CDK14: variants seen among roughly 807,000 people sequenced by gnomAD.
The protein encoded by CDK14 is cyclin-dependent kinase 14.
CDK14 carries 34 observed loss-of-function variants against 60.7 expected under a neutral mutation model. That is an observed-to-expected ratio of 0.56 (90% CI 0.43 to 0.75). CDK14 has a LOEUF of 0.75. Among genes scored for constraint, CDK14 ranks in the 30% least tolerant of loss-of-function variants. CDK14 has a pLI of 0.00. For missense variants in CDK14, 482 were observed against 564.1 expected (o/e 0.85, Z 1.47); for synonymous variants, 197 against 203.7 (o/e 0.97, Z 0.28).
At chr7:90,939,237 T>C (rs1179363599) in intron 8 of CDK14, among the ~76,000 whole-genome samples, 3 of 152,238 alleles carry the variant, frequency 2.0e-5, no homozygotes, top group Non-Finnish European at 4.4e-5. Context: ...ACAAGTTATT[T>C]GGACTGACAA....
intron 4 of CDK14, among the ~76,000 whole-genome samples, chr7:90,766,859 C>G (rs1180046615): frequency 6.6e-6 from 1 of 152,164 alleles, no homozygotes; most frequent in East Asian, 1.9e-4. Flanking sequence ...TGCTCCGGCT[C>G]CACAGCTCCT....
chr7:90,826,905 A>C (rs2117095782), intron 5 of CDK14, among the ~76,000 whole-genome samples: 1 of 152,252 alleles, frequency 6.6e-6, no homozygotes, highest in South Asian at 2.1e-4. Context: ...TAAAGTGCAG[A>C]GCTTACATCA....
chr7:90,662,966 T>C (rs962563564), intron 2 of CDK14, among the ~76,000 whole-genome samples: 16 of 152,292 alleles, frequency 1.1e-4, no homozygotes, highest in African/African-American at 3.8e-4. Flanking sequence ...GCATGTACTT[T>C]ACTGTGAAGG....
In CDK14 at chr7:91,106,254, GA is replaced by G. The variant is rs558223632; in HGVS notation, c.1155-6285del. Among the ~76,000 whole-genome samples the G allele has an allele frequency of 1.8e-3, 273 of 152,264 alleles. 1 individual carries two copies. Among genetic ancestry groups the G allele is most frequent in the South Asian group, 3.9e-3 (19 of 4,826 alleles). On this transcript the variant is annotated intron_variant, in intron 12 of 14. Transcript: ENST00000380050. ...AGGAAGAGAAGAGCACAAAGAGGCA[GA>G]AACAACAGAAGCCTATGGAATAATG...
At chr7:90,737,955 T>G (rs1266151058) in intron 3 of CDK14, among the ~76,000 whole-genome samples, 1 of 152,228 alleles carries the variant, frequency 6.6e-6, no homozygotes, top group African/African-American at 2.4e-5. Context: ...ACATTCTTAC[T>G]GGATATCAGG....
intron 11 of CDK14, among the ~76,000 whole-genome samples, chr7:91,076,525 A>G (rs1302179183): frequency 6.6e-6 from 1 of 152,112 alleles, no homozygotes; most frequent in Non-Finnish European, 1.5e-5. Context: ...ACCTAAATAT[A>G]AAGCCCCAAA....
At chr7:91,200,028 C>CCAGG (rs1802668424) in intron 14 of CDK14, among the ~76,000 whole-genome samples, 1 of 152,162 alleles carries the variant, frequency 6.6e-6, no homozygotes, top group Non-Finnish European at 1.5e-5. Context: ...TCCTCCAACT[C>CCAGG]CTACCCCCTT....
intron 14 of CDK14, among the ~76,000 whole-genome samples, chr7:91,175,947 C>T (rs1459874265): frequency 1.3e-5 from 2 of 151,664 alleles, no homozygotes; most frequent in Admixed American, 1.3e-4. Context: ...CTCAGCTCTG[C>T]ACCAAGCGGA....
At chr7:90,653,465 C>T (rs1326722689) in intron 2 of CDK14, among the ~76,000 whole-genome samples, 7 of 151,632 alleles carry the variant, frequency 4.6e-5, no homozygotes, top group African/African-American at 1.7e-4. Flanking sequence ...TCCCATTTTT[C>T]CTCCTTTCTC....
intron 5 of CDK14, among the ~76,000 whole-genome samples, chr7:90,818,122 C>G (rs184752000): frequency 6.6e-6 from 1 of 152,294 alleles, no homozygotes; most frequent in East Asian, 1.9e-4. Context: ...ACTGTTACCC[C>G]AACTCCTGCT....
intron 6 of CDK14, among the ~76,000 whole-genome samples, chr7:90,877,421 GAGAAACTA>G (rs1212431494): frequency 6.6e-6 from 1 of 152,150 alleles, no homozygotes; most frequent in Non-Finnish European, 1.5e-5. Flanking sequence ...ATTGGGAACT[GAGAAACTA>G]ACTTGTGGTG....
intron 9 of CDK14, chr7:90,979,801 T>G (rs1451228484): frequency 6.6e-6 from 1 of 152,172 alleles, no homozygotes; most frequent in Non-Finnish European, 1.5e-5. Flanking sequence ...ATTATAGAAA[T>G]AAATGTATTA....
chr7:91,147,156 TCTCTCTCACACACACACACACACACA>T (rs1562924489), intron 14 of CDK14, among the ~76,000 whole-genome samples: 1 of 106,152 alleles, frequency 9.4e-6, no homozygotes. Context: ...TCTCTCTCTC[TCTCTCTCACACACACACACACACACA>T]CACACACACA....
chr7:90,792,963 T>C (rs1373292690), intron 5 of CDK14, among the ~76,000 whole-genome samples: 1 of 152,208 alleles, frequency 6.6e-6, no homozygotes, highest in Non-Finnish European at 1.5e-5. Context: ...AAACATCCCA[T>C]TTCAGAGAGA....
At chr7:90,665,805 GC>G (rs1800966543) in intron 2 of CDK14, among the ~76,000 whole-genome samples, 3 of 135,320 alleles carry the variant, frequency 2.2e-5, no homozygotes, top group Non-Finnish European at 4.7e-5. Flanking sequence ...TTATACCTTG[GC>G]TGAAGTTTGA....
intron 10 of CDK14, among the ~76,000 whole-genome samples, chr7:91,024,615 C>A (rs1208981941): frequency 6.6e-6 from 1 of 152,226 alleles, no homozygotes; most frequent in African/African-American, 2.4e-5. Context: ...TGTGCCACTG[C>A]ACTCCAGCCT....
intron 3 of CDK14, among the ~76,000 whole-genome samples, chr7:90,741,676 G>T (rs1803351744): frequency 6.6e-6 from 1 of 152,278 alleles, no homozygotes; most frequent in East Asian, 1.9e-4. Flanking sequence ...TTATGGAAGA[G>T]ATTAGTATCT....
chr7:90,951,957 A>G (rs948754894), intron 8 of CDK14, among the ~76,000 whole-genome samples: 8 of 152,188 alleles, frequency 5.3e-5, no homozygotes, highest in African/African-American at 1.9e-4. Flanking sequence ...AAAACTCAAA[A>G]TAAGGCCCAG....
intron 2 of CDK14, among the ~76,000 whole-genome samples, chr7:90,641,223 C>T (rs1800321033): frequency 6.6e-6 from 1 of 151,982 alleles, no homozygotes; most frequent in African/African-American, 2.4e-5. Context: ...GTCTGTAGTT[C>T]CTCAAATAGT....
Sources: gnomAD v4.1 joint callset for allele counts (sites outside exome capture counted in the v4.1 genomes callset) on GRCh38, gnomAD v4.1.1 for gene constraint, MANE v1.5 for transcripts, NCBI Gene and HGNC (gene_info 2026-07-23, HGNC 2026-07-21) for gene names.